SLC30A7: variants seen among roughly 807,000 people sequenced by gnomAD.
SLC30A7 encodes zinc transporter 7.
A neutral mutation model predicts 46.0 loss-of-function variants in SLC30A7; 35 were observed. The observed-to-expected ratio is 0.76, with a 90% CI of 0.58 to 1.01. The LOEUF is 1.01. Among genes scored for constraint, SLC30A7 ranks in the 50% least tolerant of loss-of-function variants. SLC30A7 has a pLI of 0.00. For missense variants in SLC30A7, 464 were observed against 451.1 expected (o/e 1.03, Z -0.26); for synonymous variants, 147 against 157.8 (o/e 0.93, Z 0.51).
At chr1:100,896,419 T>G in intron 1 of SLC30A7, 77 bp downstream of exon 1, 1 of 1,527,460 alleles carries the variant, frequency 6.5e-7, no homozygotes, top group South Asian at 1.1e-5. Context: ...TGGCCCGAGG[T>G]CCAGTGAGGG....
intron 7 of SLC30A7, 43 bp downstream of exon 7, chr1:100,918,170 CT>C: frequency 6.6e-7 from 1 of 1,509,874 alleles, no homozygotes; most frequent in Non-Finnish European, 9.2e-7. Context: ...TTTGAAACTG[CT>C]TTTATAGTTT....
the SLC30A7 span, chr1:100,990,494 T>C: frequency 6.2e-7 from 1 of 1,614,236 alleles, no homozygotes; most frequent in Non-Finnish European, 8.5e-7. Context: ...GGATGTATGC[T>C]GCCTCCTGTG....
intron 10 of SLC30A7, among the ~76,000 whole-genome samples, chr1:100,967,463 C>T (rs565851834): frequency 1.4e-4 from 22 of 152,230 alleles, no homozygotes; most frequent in African/African-American, 5.3e-4. Flanking sequence ...GACCATGGAC[C>T]AGTACTGGCC....
intron 8 of SLC30A7, among the ~76,000 whole-genome samples, chr1:100,957,380 T>C (rs772796090): frequency 6.6e-5 from 10 of 152,258 alleles, no homozygotes; most frequent in Non-Finnish European, 1.5e-4. Context: ...CACTGCTTTT[T>C]TCCCCTTAGT....
At chr1:100,957,799 C>G (rs1655308299) in intron 8 of SLC30A7, among the ~76,000 whole-genome samples, 2 of 151,978 alleles carry the variant, frequency 1.3e-5, no homozygotes, top group Admixed American at 6.6e-5. Context: ...TTTCTGAGTA[C>G]AGTTAGGAAA....
In SLC30A7 at chr1:100,915,198, TTTCTTTC is replaced by T. The variant is rs1451159558; in HGVS notation, c.655+1395_655+1401del. 1.9e-3 allele frequency among the ~76,000 whole-genome samples: 120 copies of T among 61,768 alleles called. 1 individual carries two copies. Among genetic ancestry groups the T allele is most frequent in the East Asian group, 0.011 (15 of 1,348 alleles). The allele number at this position is 61,768 out of a possible 152,430, so 40.5% of individuals were successfully genotyped here. A position where few individuals can be genotyped will look rare whatever the true frequency, so the allele number is the denominator to read the frequency against. On this transcript the variant is annotated intron_variant, in intron 6 of 10. Coordinates refer to ENST00000357650, the MANE Select transcript of SLC30A7 (RefSeq NM_133496.5). The stretch of plus-strand genomic sequence containing the variant: ...TTTTTCTTTTCTTTTCTTTCTTTTC[TTTCTTTC>T]TTTCTTTCTTTCTTTCTTTCTTTCT...
Position 100,979,392 on chromosome 1 carries a change from C to G in SLC30A7, c.*4535C>G, listed in dbSNP as rs537669006. ...AAGCCTTAGTGACCCAGATCTCAACCAGAGACTCAAGATAGCCTCAAATAC... is the reference window on the plus strand; with the variant it reads ...AAGCCTTAGTGACCCAGATCTCAACGAGAGACTCAAGATAGCCTCAAATAC... On this transcript the variant is annotated 3_prime_UTR_variant, in exon 11 of 11. Transcript: ENST00000357650. The G allele has an allele frequency of 1.4e-3, 185 of 134,238 alleles. 1 individual carries two copies. The highest frequency in any genetic ancestry group is 5.0e-3 in the African/African-American group (182 of 36,170). 8.3% of individuals were successfully genotyped at this position (134,238 alleles called of 1,614,324 possible). A position where few individuals can be genotyped will look rare whatever the true frequency, so the allele number is the denominator to read the frequency against.
chr1:100,943,921 C>CA (rs1654484426), intron 8 of SLC30A7, among the ~76,000 whole-genome samples: 1 of 152,044 alleles, frequency 6.6e-6, no homozygotes, highest in Non-Finnish European at 1.5e-5. Flanking sequence ...GAAGAAGAGA[C>CA]ATGCATATAA....
chr1:100,903,494 A>G (rs1485979337), intron 2 of SLC30A7, among the ~76,000 whole-genome samples: 1 of 152,168 alleles, frequency 6.6e-6, no homozygotes, highest in Non-Finnish European at 1.5e-5. Flanking sequence ...TGCATGAATA[A>G]TATGCCCCTT....
chr1:100,903,402 A>G (rs1337231387), intron 2 of SLC30A7, among the ~76,000 whole-genome samples: 1 of 152,138 alleles, frequency 6.6e-6, no homozygotes, highest in Non-Finnish European at 1.5e-5. Context: ...TCCATGTTAC[A>G]TAGATGTTAT....
chr1:100,993,559 A>AATAAATATATAT, the SLC30A7 span, among the ~76,000 whole-genome samples: 5 of 56,546 alleles, frequency 8.8e-5, 1 homozygote, highest in African/African-American at 3.1e-4. Flanking sequence ...CGAAAATATA[A>AATAAATATATAT]ATATATATAT....
At chr1:100,955,565 A>G (rs1172482167) in intron 8 of SLC30A7, among the ~76,000 whole-genome samples, 1 of 152,070 alleles carries the variant, frequency 6.6e-6, no homozygotes, top group African/African-American at 2.4e-5. Flanking sequence ...TTGTTTCCAA[A>G]TGCTTACTTT....
chr1:100,983,282 C>T (rs1033832200), downstream of SLC30A7, among the ~76,000 whole-genome samples: 4 of 148,204 alleles, frequency 2.7e-5, no homozygotes, highest in Non-Finnish European at 5.9e-5. Flanking sequence ...CAATTTACTA[C>T]TTTTTTTCAT....
chr1:100,988,306 G>A, the SLC30A7 span, among the ~76,000 whole-genome samples: 1 of 152,208 alleles, frequency 6.6e-6, no homozygotes, highest in African/African-American at 2.4e-5. Flanking sequence ...AAGACCGAAG[G>A]GGAAAAACCA....
Position 100,981,125 on chromosome 1 carries a change from GA to G in SLC30A7, c.*6272del, listed in dbSNP as rs1656907691. 6.6e-6 allele frequency: 1 copy of G among 151,962 alleles called. No homozygotes were observed. The allele number at this position is 151,962 out of a possible 1,614,324, so 9.4% of individuals were successfully genotyped here. ...AGAACTTCTACTTTATACTAGCGGGGAAAATTTTTTTATTTAGAATTTTAAT... is the reference window on the plus strand; with the variant it reads ...AGAACTTCTACTTTATACTAGCGGGGAAATTTTTTTATTTAGAATTTTAAT... On this transcript the variant is annotated 3_prime_UTR_variant, in exon 11 of 11. Coordinates refer to ENST00000357650, the MANE Select transcript of SLC30A7 (RefSeq NM_133496.5).
At chr1:100,921,649 T>G in intron 7 of SLC30A7, 57 bp from the exon 8 acceptor site, 1 of 1,409,078 alleles carries the variant, frequency 7.1e-7, no homozygotes, top group Non-Finnish European at 9.9e-7. Context: ...CTAGGATATA[T>G]TCGTATTTTA....
At chr1:100,912,814 G>A (rs143482177) in intron 5 of SLC30A7, among the ~76,000 whole-genome samples, 1 of 151,744 alleles carries the variant, frequency 6.6e-6, no homozygotes, top group African/African-American at 2.4e-5. Context: ...GGAGGTGGAG[G>A]TTGCAGCGAG....
chr1:100,915,193 T>TTTTCTTTCTTTCTTTC lies in SLC30A7; in HGVS notation c.655+1434_655+1449dup, dbSNP rs200989431. On this transcript the variant is annotated intron_variant, in intron 6 of 10. Coordinates refer to ENST00000357650, the MANE Select transcript of SLC30A7 (RefSeq NM_133496.5). ...TTTCTTTTTTCTTTTCTTTTCTTTC[T>TTTTCTTTCTTTCTTTC]TTTCTTTCTTTCTTTCTTTCTTTCT... is the stretch of plus-strand genomic sequence containing the variant. 3.7e-3 allele frequency among the ~76,000 whole-genome samples: 339 copies of TTTTCTTTCTTTCTTTC among 90,850 alleles called. 2 individuals carry two copies. The highest frequency in any genetic ancestry group is 4.1e-3 in the Non-Finnish European group (188 of 45,912). 59.6% of individuals were successfully genotyped at this position (90,850 alleles called of 152,430 possible). A position where few individuals can be genotyped will look rare whatever the true frequency, so the allele number is the denominator to read the frequency against.
intron 2 of SLC30A7, among the ~76,000 whole-genome samples, chr1:100,898,151 G>T (rs1292896833): frequency 6.6e-6 from 1 of 152,116 alleles, no homozygotes; most frequent in Non-Finnish European, 1.5e-5. Context: ...TATCAAGAGT[G>T]TATCATAGCT....
Sources: allele counts gnomAD v4.1 joint callset (sites outside exome capture counted in the v4.1 genomes callset), GRCh38; gene constraint gnomAD v4.1.1; transcripts MANE v1.5; gene names NCBI Gene and HGNC (gene_info 2026-07-23, HGNC 2026-07-21).